The following KHDRBS2 variants were observed in gnomAD, a reference collection of about 807,000 sequenced individuals.
The protein encoded by KHDRBS2 is KH domain-containing, RNA-binding, signal transduction-associated protein 2.
Under a neutral mutation model 44.3 loss-of-function variants are expected in KHDRBS2, and 26 were observed. The ratio of observed to expected loss-of-function variants is 0.59; its 90% confidence interval spans 0.43 to 0.81. The LOEUF is 0.81. Among genes scored for constraint, KHDRBS2 ranks in the 40% least tolerant of loss-of-function variants. The pLI, the probability that KHDRBS2 is intolerant of heterozygous loss-of-function variation, is 0.00. For synonymous variants in KHDRBS2, 194 were observed against 151.1 expected (o/e 1.28, Z -2.08); for missense variants, 476 against 433.1 (o/e 1.10, Z -0.88).
intron 4 of KHDRBS2, among the ~76,000 whole-genome samples, chr6:61,951,580 C>T (rs1441149481): frequency 1.3e-5 from 2 of 152,016 alleles, no homozygotes; most frequent in East Asian, 3.9e-4. Context: ...GGAATGCTAA[C>T]ATGTGTGATT....
intron 2 of KHDRBS2, among the ~76,000 whole-genome samples, chr6:62,094,605 C>T (rs1248041604): frequency 4.6e-5 from 7 of 151,660 alleles, no homozygotes; most frequent in African/African-American, 1.7e-4. Flanking sequence ...TTTCAGGATA[C>T]TTTTGACTTC....
chr6:61,955,245 T>C (rs1237253072), intron 4 of KHDRBS2, among the ~76,000 whole-genome samples: 1 of 146,106 alleles, frequency 6.8e-6, no homozygotes, highest in Non-Finnish European at 1.5e-5. Flanking sequence ...CGTATGTATG[T>C]ATACATATAT....
chr6:61,636,350 A>T, the KHDRBS2 span, among the ~76,000 whole-genome samples: 1 of 152,068 alleles, frequency 6.6e-6, no homozygotes, highest in Non-Finnish European at 1.5e-5. Context: ...CATAATTTAA[A>T]CTTATTAATT....
intron 6 of KHDRBS2, among the ~76,000 whole-genome samples, chr6:61,789,131 C>A (rs924998440): frequency 2.0e-5 from 3 of 151,296 alleles, no homozygotes; most frequent in African/African-American, 4.8e-5. Context: ...ATCTAATAAT[C>A]TTCAAAATAT....
intron 1 of KHDRBS2, among the ~76,000 whole-genome samples, chr6:62,240,618 A>G (rs1346419945): frequency 6.8e-6 from 1 of 146,092 alleles, no homozygotes; most frequent in Non-Finnish European, 1.5e-5. Context: ...ATCTACATAT[A>G]CACATATGTA....
At chr6:61,590,314 C>T in the KHDRBS2 span, among the ~76,000 whole-genome samples, 1 of 152,100 alleles carries the variant, frequency 6.6e-6, no homozygotes, top group Non-Finnish European at 1.5e-5. Context: ...CATTCACTAC[C>T]AGACACATGG....
At chr6:61,696,938 C>T (rs138997562) in intron 8 of KHDRBS2, among the ~76,000 whole-genome samples, 122 of 152,198 alleles carry the variant, frequency 8.0e-4, no homozygotes, top group Middle Eastern at 3.4e-3. Context: ...ACATACAAGA[C>T]GCTATTCAGA....
In KHDRBS2 at chr6:61,924,962, A is replaced by C. The variant is rs146540659; in HGVS notation, c.484-23591T>G. Among the ~76,000 whole-genome samples the C allele has an allele frequency of 2.5e-3, 378 of 152,280 alleles. 3 individuals carry two copies. Among genetic ancestry groups the C allele is most frequent in the African/African-American group, 8.5e-3 (352 of 41,562 alleles). Reference sequence around the variant, plus strand: ...TGGTCGGACATTCATAGGTTGAATTAATTAAAACCAAAGGCATAATATGAG... The same window carrying C: ...TGGTCGGACATTCATAGGTTGAATTCATTAAAACCAAAGGCATAATATGAG... On this transcript the variant is annotated intron_variant, in intron 4 of 8. Coordinates refer to ENST00000281156, the MANE Select transcript of KHDRBS2 (RefSeq NM_152688.4).
intron 2 of KHDRBS2, among the ~76,000 whole-genome samples, chr6:62,069,523 A>G (rs1794504191): frequency 6.6e-6 from 1 of 151,682 alleles, no homozygotes; most frequent in South Asian, 2.1e-4. Context: ...GTGGCACTTC[A>G]TATAGGTCTC....
chr6:61,879,950 A>G (rs1799974969), intron 6 of KHDRBS2, among the ~76,000 whole-genome samples: 2 of 151,900 alleles, frequency 1.3e-5, no homozygotes, highest in African/African-American at 4.8e-5. Context: ...TTTTAAACAA[A>G]TAAGTGATAA....
At chr6:62,134,415 T>A (rs1811042600) in intron 2 of KHDRBS2, among the ~76,000 whole-genome samples, 1 of 152,164 alleles carries the variant, frequency 6.6e-6, no homozygotes, top group Non-Finnish European at 1.5e-5. Flanking sequence ...TGCCTGGGTA[T>A]CCAGGCAGAA....
At position 61,683,738 on chromosome 6, in the gene KHDRBS2, T is replaced by A. The variant is rs189820683; in HGVS notation, c.953-2678A>T. Among the ~76,000 whole-genome samples the A allele has an allele frequency of 2.0e-5, 3 of 151,998 alleles. No homozygotes were observed. The East Asian group carries it at 5.9e-4, about 30-fold the overall frequency. ...CTCATTATTAAAAAGTACAAAAGTA[T>A]CATATTTCATGGCACAAATATGTGC... On this transcript the variant is annotated intron_variant, in intron 8 of 8. Coordinates refer to ENST00000281156, the MANE Select transcript of KHDRBS2 (RefSeq NM_152688.4).
intron 1 of KHDRBS2, among the ~76,000 whole-genome samples, chr6:62,263,582 T>A (rs1838715592): frequency 6.6e-6 from 1 of 151,744 alleles, no homozygotes; most frequent in South Asian, 2.1e-4. Context: ...AACATATTAC[T>A]GCAAATACAA....
intron 3 of KHDRBS2, among the ~76,000 whole-genome samples, chr6:62,021,924 G>GTATA (rs10547508): frequency 6.8e-5 from 10 of 146,040 alleles, no homozygotes; most frequent in East Asian, 2.0e-4. Context: ...GGTTTTTTGT[G>GTATA]TATATATATA....
At chr6:62,265,958 C>A (rs1195478598) in intron 1 of KHDRBS2, among the ~76,000 whole-genome samples, 1 of 151,966 alleles carries the variant, frequency 6.6e-6, no homozygotes, top group Non-Finnish European at 1.5e-5. Flanking sequence ...AATATTTTAC[C>A]TCAGCTCAAT....
At chr6:62,040,899 T>C (rs1411322015) in intron 3 of KHDRBS2, among the ~76,000 whole-genome samples, 2 of 152,272 alleles carry the variant, frequency 1.3e-5, no homozygotes, top group African/African-American at 2.4e-5. Context: ...TTGGACCCTA[T>C]TCATCTCTCT....
At chr6:61,670,973 C>T in the KHDRBS2 span, among the ~76,000 whole-genome samples, 1 of 151,590 alleles carries the variant, frequency 6.6e-6, no homozygotes, top group Non-Finnish European at 1.5e-5. Flanking sequence ...TTGCCTTTCT[C>T]TTTGTCTTCT....
intron 6 of KHDRBS2, among the ~76,000 whole-genome samples, chr6:61,875,193 G>GGAGAGAGAGA (rs149120821): frequency 6.7e-6 from 1 of 148,370 alleles, no homozygotes; most frequent in Non-Finnish European, 1.5e-5. Flanking sequence ...GGGCAGGGAG[G>GGAGAGAGAGA]GAGAGAGAGA....
chr6:62,108,039 G>A (rs558616237), intron 2 of KHDRBS2, among the ~76,000 whole-genome samples: 26 of 152,284 alleles, frequency 1.7e-4, no homozygotes, highest in African/African-American at 6.0e-4. Flanking sequence ...CATGGGCAAG[G>A]ACTTCATGTC....
Sources: allele counts gnomAD v4.1 joint callset (sites outside exome capture counted in the v4.1 genomes callset), GRCh38; gene constraint gnomAD v4.1.1; transcripts MANE v1.5; gene names NCBI Gene and HGNC (gene_info 2026-07-23, HGNC 2026-07-21).